BICC1: variants seen among roughly 807,000 people sequenced by gnomAD.
BICC1 encodes BicC family RNA binding protein 1.
In BICC1, 43 loss-of-function variants were observed where a neutral mutation model predicts 111.0. The observed-to-expected ratio is 0.39, with a 90% CI of 0.30 to 0.50. The LOEUF is 0.50. Ranked by LOEUF, BICC1 falls within the 20% of genes least tolerant of loss-of-function variation. The pLI is 0.88. For synonymous variants in BICC1, 467 were observed against 434.4 expected (o/e 1.07, Z -0.93); for missense variants, 1,091 against 1,203.2 (o/e 0.91, Z 1.38).
chr10:58,798,032 A>C (rs1412315754), intron 10 of BICC1, among the ~76,000 whole-genome samples: 1 of 152,204 alleles, frequency 6.6e-6, no homozygotes, highest in East Asian at 1.9e-4. Context: ...GTTTGTAAGC[A>C]GATGACAAAT....
At chr10:58,656,813 G>T (rs1417915015) in intron 2 of BICC1, among the ~76,000 whole-genome samples, 2 of 152,150 alleles carry the variant, frequency 1.3e-5, no homozygotes, top group Non-Finnish European at 2.9e-5. Context: ...CCAGCTGAAA[G>T]AATTTAAATG....
chr10:58,753,030 G>A (rs1428731423), intron 3 of BICC1, among the ~76,000 whole-genome samples: 1 of 152,146 alleles, frequency 6.6e-6, no homozygotes, highest in Non-Finnish European at 1.5e-5. Flanking sequence ...TGGGGCGATT[G>A]AAGGGCTGCA....
intron 1 of BICC1, among the ~76,000 whole-genome samples, chr10:58,520,044 A>G (rs1424315512): frequency 6.6e-6 from 1 of 152,200 alleles, no homozygotes; most frequent in Non-Finnish European, 1.5e-5. Flanking sequence ...TAATCTGGCC[A>G]ACAAAGCCAG....
chr10:58,663,346 T>C (rs1418995108), intron 2 of BICC1, among the ~76,000 whole-genome samples: 1 of 152,146 alleles, frequency 6.6e-6, no homozygotes, highest in East Asian at 1.9e-4. Context: ...GGGTTACAGG[T>C]GTGAATCACC....
At chr10:58,817,255 A>G (rs907810815) in intron 18 of BICC1, among the ~76,000 whole-genome samples, 3 of 152,122 alleles carry the variant, frequency 2.0e-5, no homozygotes, top group African/African-American at 7.2e-5. Context: ...AATCAATTTT[A>G]AACAACAAAT....
At chr10:58,802,985 G>C in intron 14 of BICC1, 92 bp from the exon 15 acceptor site, 1 of 1,243,876 alleles carries the variant, frequency 8.0e-7, no homozygotes, top group African/African-American at 1.5e-5. Context: ...AGCTGATGAT[G>C]ATAAACATGC....
rs976315808 is a variant in BICC1, at chr10:58,806,946, A to G, written c.2222-58A>G. 2.0e-6 allele frequency: 3 copies of G among 1,474,800 alleles called. No individual in the cohort carries two copies. The African/African-American group carries it at 4.2e-5, about 21-fold the overall frequency. 91.4% of individuals were successfully genotyped at this position (1,474,800 alleles called of 1,614,324 possible). The stretch of plus-strand genomic sequence containing the variant: ...CAAAGAAACGACACTTATCATCAGT[A>G]TTTTATTGAAGAAATGCATTAAACA... On this transcript the variant is annotated intron_variant, in intron 16 of 20. Coordinates refer to ENST00000373886, the MANE Select transcript of BICC1 (RefSeq NM_001080512.3).
chr10:58,575,995 G>T (rs1844100714), intron 1 of BICC1, among the ~76,000 whole-genome samples: 1 of 152,030 alleles, frequency 6.6e-6, no homozygotes, highest in Non-Finnish European at 1.5e-5. Flanking sequence ...ACAATTTTTT[G>T]GTGTGTGCTT....
intron 1 of BICC1, among the ~76,000 whole-genome samples, chr10:58,568,936 C>T (rs1275663313): frequency 6.6e-6 from 1 of 152,182 alleles, no homozygotes; most frequent in Admixed American, 6.6e-5. Context: ...AGCTACTGCT[C>T]AGGCTTTCCC....
chr10:58,586,723 A>G (rs745920064), intron 1 of BICC1, among the ~76,000 whole-genome samples: 1 of 152,144 alleles, frequency 6.6e-6, no homozygotes, highest in Non-Finnish European at 1.5e-5. Context: ...GACTACATAC[A>G]TATACATGCA....
intron 1 of BICC1, among the ~76,000 whole-genome samples, chr10:58,553,635 G>A (rs1199189074): frequency 6.6e-6 from 1 of 152,016 alleles, no homozygotes; most frequent in Non-Finnish European, 1.5e-5. Flanking sequence ...TTTAGTGCAA[G>A]GAACACCATG....
intron 1 of BICC1, among the ~76,000 whole-genome samples, chr10:58,530,060 C>G (rs1454452782): frequency 6.6e-6 from 1 of 151,490 alleles, no homozygotes; most frequent in South Asian, 2.1e-4. Context: ...TATTATGGGA[C>G]TGCAGAATTA....
intron 2 of BICC1, among the ~76,000 whole-genome samples, chr10:58,643,158 A>T (rs557069576): frequency 6.6e-6 from 1 of 152,288 alleles, no homozygotes; most frequent in South Asian, 2.1e-4. Flanking sequence ...CAGCTTAAAA[A>T]CTGGGGAATT....
intron 3 of BICC1, among the ~76,000 whole-genome samples, chr10:58,724,555 C>T (rs1841041912): frequency 6.6e-6 from 1 of 152,176 alleles, no homozygotes; most frequent in Non-Finnish European, 1.5e-5. Context: ...TGACCTGTGC[C>T]ATCCCAGGAC....
intron 1 of BICC1, among the ~76,000 whole-genome samples, chr10:58,609,626 T>A (rs1845348634): frequency 6.6e-6 from 1 of 152,230 alleles, no homozygotes; most frequent in African/African-American, 2.4e-5. Flanking sequence ...TTTTTTACAT[T>A]CTTTTTTTAC....
At chr10:58,516,957 G>GAGT (rs1459652583) in intron 1 of BICC1, among the ~76,000 whole-genome samples, 1 of 152,186 alleles carries the variant, frequency 6.6e-6, no homozygotes, top group Non-Finnish European at 1.5e-5. Flanking sequence ...GTGTTTGCCA[G>GAGT]AGTACTGAGG....
In BICC1 at chr10:58,598,504, A is replaced by G. The variant is rs560396125; in HGVS notation, c.191-22351A>G. Reference sequence around the variant, plus strand: ...CTTCTTTACACCTATACAAAAATCAACTCAAGCTGGGTCAGAGACTTAACT... The same window carrying G: ...CTTCTTTACACCTATACAAAAATCAGCTCAAGCTGGGTCAGAGACTTAACT... On this transcript the variant is annotated intron_variant, in intron 1 of 20. Transcript: ENST00000373886. 2.1e-3 allele frequency among the ~76,000 whole-genome samples: 316 copies of G among 152,238 alleles called. 1 individual carries two copies. The highest frequency in any genetic ancestry group is 2.5e-3 in the Non-Finnish European group (167 of 68,012).
At chr10:58,806,077 A>C (rs901812982) in intron 15 of BICC1, among the ~76,000 whole-genome samples, 1 of 152,210 alleles carries the variant, frequency 6.6e-6, no homozygotes, top group Non-Finnish European at 1.5e-5. Flanking sequence ...TCACTTCAAA[A>C]GCAAAGACTA....
intron 1 of BICC1, among the ~76,000 whole-genome samples, chr10:58,601,462 A>G (rs1247387708): frequency 1.3e-5 from 2 of 151,530 alleles, no homozygotes; most frequent in African/African-American, 4.8e-5. Context: ...CTATATCTAA[A>G]TTTTCTTAAT....
Sources: allele counts gnomAD v4.1 joint callset (sites outside exome capture counted in the v4.1 genomes callset), GRCh38; gene constraint gnomAD v4.1.1; transcripts MANE v1.5; gene names NCBI Gene and HGNC (gene_info 2026-07-23, HGNC 2026-07-21).